Variants in ZNF865 observed in about 807,000 individuals in gnomAD.
ZNF865 encodes the protein zinc finger protein 865.
For missense variants in ZNF865, 1,311 were observed against 1,593.4 expected (o/e 0.82, Z 3.02); for synonymous variants, 763 against 750.8 (o/e 1.02, Z -0.27).
chr19:55,613,970 C>G lies in ZNF865; in HGVS notation c.352C>G (p.Gln118Glu). 2.0e-6 allele frequency: 3 copies of G among 1,529,868 alleles called. No individual in the cohort carries two copies. Among genetic ancestry groups the G allele is most frequent in the Non-Finnish European group, 2.6e-6 (3 of 1,143,900 alleles). 94.8% of individuals were successfully genotyped at this position (1,529,868 alleles called of 1,614,324 possible). Residue 118 changes from glutamine (Q) to glutamate (E), a missense_variant, in exon 2 of 2, where the codon CAA becomes GAA. Physicochemically the swap from Gln to Glu is conservative, Grantham distance 29. Coordinates refer to ENST00000568956, the MANE Select transcript of ZNF865 (RefSeq NM_001195605.2). ...GTCATCTTCGTCCTCTTCCTCTTCC[C>G]AAGCCAAGAAGCCCGATCCGCCCCT... is the stretch of plus-strand genomic sequence containing the variant. The part of the protein sequence containing the change: ...SSSSSSSSSS[Q>E]AKKPDPPLPP...
At position 55,616,896 on chromosome 19, in the gene ZNF865, T is replaced by A; in HGVS notation, c.*98T>A. The A allele has an allele frequency of 7.7e-7, 1 of 1,306,122 alleles. No homozygotes were observed. Among genetic ancestry groups the A allele is most frequent in the South Asian group, 1.7e-5 (1 of 57,918 alleles). 80.9% of individuals were successfully genotyped at this position (1,306,122 alleles called of 1,614,324 possible). ...TTCCCCCCTCCTCGCTGTTGCCCCATCCTTCAGAACTTCACACGGACTGGC... is the reference window on the plus strand; with the variant it reads ...TTCCCCCCTCCTCGCTGTTGCCCCAACCTTCAGAACTTCACACGGACTGGC... On this transcript the variant is annotated 3_prime_UTR_variant, in exon 2 of 2. Transcript: ENST00000568956.
rs539300841 is a variant in ZNF865, at chr19:55,613,769, C to A, written c.151C>A (p.His51Asn). Residue 51 changes from histidine (H) to asparagine (N), a missense_variant, in exon 2 of 2, where the codon CAC (histidine) becomes AAC (asparagine). His to Asn is a moderately conservative substitution (Grantham distance 68, BLOSUM62 1). Transcript: ENST00000568956. The part of the protein sequence containing the change: ...RFEPMELYGE[H>N]AKAVAALPCA... ...CGAGCCCATGGAACTGTATGGGGAA[C>A]ACGCCAAGGCGGTGGCGGCCCTGCC... The A allele has an allele frequency of 2.6e-6, 4 of 1,534,086 alleles. No homozygotes were observed. The highest frequency in any genetic ancestry group is 2.7e-5 in the African/African-American group (2 of 73,024).
At chr19:55,613,486 T>C (rs1414019708) in intron 1 of ZNF865, 107 bp from the exon 2 acceptor site, 6 of 1,075,404 alleles carry the variant, frequency 5.6e-6, no homozygotes, top group Non-Finnish European at 7.7e-6. Context: ...TCTGGAAGGC[T>C]AGGGGGTGAT....
rs1349072564 is a variant in ZNF865, at chr19:55,611,856, C to T, written c.-26-1737C>T. Among the ~76,000 whole-genome samples, 1 of 152,150 alleles carries T rather than the reference C, an allele frequency of 6.6e-6. No homozygotes were observed. The highest frequency in any genetic ancestry group is 1.9e-4 in the East Asian group (1 of 5,192). On this transcript the variant is annotated intron_variant, in intron 1 of 1. Coordinates refer to ENST00000568956, the MANE Select transcript of ZNF865 (RefSeq NM_001195605.2). The surrounding 1 kb of genome is among the most constrained non-coding windows in gnomAD (Gnocchi z 4.5). Reference sequence around the variant, plus strand: ...GTGCTTCCCCAGGCCAGCAAGTAGACCAAGAACTCGGAGATCAGTTACGGG... The same window carrying T: ...GTGCTTCCCCAGGCCAGCAAGTAGATCAAGAACTCGGAGATCAGTTACGGG...
In ZNF865 at chr19:55,614,911, G is replaced by A; in HGVS notation, c.1293G>A (p.Gly431=). The change falls in exon 2 of 2, where the codon GGG becomes GGA. Residue 431 remains glycine (G), a synonymous_variant. Coordinates refer to ENST00000568956, the MANE Select transcript of ZNF865 (RefSeq NM_001195605.2). This position sits in a 1 kb window ranked among gnomAD's most constrained non-coding sequence, Gnocchi z 8.0. ...TCAAGCACCAGGCGGCCCACGCGGGGGCGGGCGCCGGGGGGCCTCGGCCCG... is the reference window on the plus strand; with the variant it reads ...TCAAGCACCAGGCGGCCCACGCGGGAGCGGGCGCCGGGGGGCCTCGGCCCG... ...YLLKHQAAHA[G]AGAGGPRPVY... The A allele has an allele frequency of 6.7e-7, 1 of 1,486,656 alleles. No individual in the cohort carries two copies. The highest frequency in any genetic ancestry group is 8.9e-7 in the Non-Finnish European group (1 of 1,123,724). 92.1% of individuals were successfully genotyped at this position (1,486,656 alleles called of 1,614,324 possible).
In ZNF865 at chr19:55,616,656, G is replaced by A; in HGVS notation, c.3038G>A (p.Gly1013Asp). ...CGTAAGCACCTGGCTGCCCACCAGG[G>A]CGGCCGGCCCTTCCGCTGCTCCTCC... The part of the protein sequence containing the change: ...YFRKHLAAHQ[G>D]GRPFRCSSCG... The change falls in exon 2 of 2, where the codon GGC becomes GAC. Residue 1013 changes from glycine (G) to aspartate (D), a missense_variant. Coordinates refer to ENST00000568956, the MANE Select transcript of ZNF865 (RefSeq NM_001195605.2). 6.5e-7 allele frequency: 1 copy of A among 1,529,430 alleles called. No homozygotes were observed. The highest frequency in any genetic ancestry group is 8.7e-7 in the Non-Finnish European group (1 of 1,143,852). The allele number at this position is 1,529,430 out of a possible 1,614,324, so 94.7% of individuals were successfully genotyped here.
chr19:55,607,436 C>CA (rs1199906914), intron 1 of ZNF865, among the ~76,000 whole-genome samples: 1 of 85,520 alleles, frequency 1.2e-5, no homozygotes. Flanking sequence ...CCTGTCTTTA[C>CA]AGGAAAAAAA....
In ZNF865 at chr19:55,614,541, C is replaced by G. The variant is rs1277402417; in HGVS notation, c.923C>G (p.Ala308Gly). The change falls in exon 2 of 2, where the codon GCC (alanine) becomes GGC (glycine). Residue 308 changes from alanine (A) to glycine (G), a missense_variant. Ala to Gly is a moderately conservative substitution (Grantham distance 60, BLOSUM62 0). Transcript: ENST00000568956. This position sits in a 1 kb window ranked among gnomAD's most constrained non-coding sequence, Gnocchi z 8.0. Reference sequence around the variant, plus strand: ...GCTGCCAGCGCCGCCACCGCCGCCGCCCCCTCCACGGTGTCCTCGGGCCCT... The same window carrying G: ...GCTGCCAGCGCCGCCACCGCCGCCGGCCCCTCCACGGTGTCCTCGGGCCCT... ...APAASAATAA[A>G]PSTVSSGPPA... The G allele has an allele frequency of 7.1e-7, 1 of 1,405,630 alleles. No individual in the cohort carries two copies. Among genetic ancestry groups the G allele is most frequent in the Middle Eastern group, 2.1e-4 (1 of 4,808 alleles). The allele number at this position is 1,405,630 out of a possible 1,614,324, so 87.1% of individuals were successfully genotyped here.
intron 1 of ZNF865, among the ~76,000 whole-genome samples, chr19:55,606,318 C>G (rs1980939241): frequency 6.6e-6 from 1 of 152,050 alleles, no homozygotes; most frequent in East Asian, 1.9e-4. Flanking sequence ...TCTGCAGGTC[C>G]TCCAGTGATT....
At chr19:55,609,782 TTGG>T (rs1038492347) in intron 1 of ZNF865, among the ~76,000 whole-genome samples, 1 of 152,124 alleles carries the variant, frequency 6.6e-6, no homozygotes. Flanking sequence ...CTCCTGTCCC[TTGG>T]TGGTGGTGGT....
chr19:55,614,069 G>A lies in ZNF865; in HGVS notation c.451G>A (p.Asp151Asn), dbSNP rs1189433258. ...AFPTPQWGIVDLSGHQHLFGN... is the reference protein window; with the variant it reads ...AFPTPQWGIVNLSGHQHLFGN... ...CCCCACTCCGCAGTGGGGCATCGTG[G>A]ACCTCTCGGGGCACCAGCACTTGTT... Residue 151 changes from aspartate (D) to asparagine (N), a missense_variant, in exon 2 of 2, where the codon GAC (aspartate) becomes AAC (asparagine). Transcript: ENST00000568956. The surrounding 1 kb of genome is among the most constrained non-coding windows in gnomAD (Gnocchi z 8.0). 5 of 1,452,526 alleles carry A rather than the reference G, an allele frequency of 3.4e-6. No homozygotes were observed. In the African/African-American group the frequency reaches 7.2e-5, roughly 21 times the overall value. The allele number at this position is 1,452,526 out of a possible 1,614,324, so 90.0% of individuals were successfully genotyped here.
chr19:55,612,098 G>A (rs1017431615), intron 1 of ZNF865, among the ~76,000 whole-genome samples: 4 of 152,204 alleles, frequency 2.6e-5, no homozygotes, highest in Non-Finnish European at 4.4e-5. Flanking sequence ...GCCCAGGTGT[G>A]TGATGTCATG....
At chr19:55,612,655 C>G (rs1471782528) in intron 1 of ZNF865, 2 of 152,440 alleles carry the variant, frequency 1.3e-5, no homozygotes, top group African/African-American at 4.8e-5. Context: ...CTGTCAGCCA[C>G]TGTGCCCAGT....
At chr19:55,612,412 T>C (rs990437708) in intron 1 of ZNF865, 1 of 152,220 alleles carries the variant, frequency 6.6e-6, no homozygotes, top group African/African-American at 2.4e-5. Context: ...GCACTCCCCA[T>C]ACTGACTTTT....
rs1168462756 is a variant in ZNF865 at position 55,615,439 on chromosome 19, G to A, written c.1821G>A (p.Lys607=). The change falls in exon 2 of 2, where the codon AAG becomes AAA. Residue 607 remains lysine (K), a synonymous_variant. Coordinates refer to ENST00000568956, the MANE Select transcript of ZNF865 (RefSeq NM_001195605.2). ...TGCACACGCGCGAGCGGCCCTACAA[G>A]TGCGAGCTCTGCGGCAAGGTCTTCG... is the stretch of plus-strand genomic sequence containing the variant. ...HVVHTRERPY[K]CELCGKVFGY... 9 of 1,496,730 alleles carry A rather than the reference G, an allele frequency of 6.0e-6. No individual in the cohort carries two copies. The highest frequency in any genetic ancestry group is 8.0e-6 in the Non-Finnish European group (9 of 1,127,924). The allele number at this position is 1,496,730 out of a possible 1,614,324, so 92.7% of individuals were successfully genotyped here. A position where few individuals can be genotyped will look rare whatever the true frequency, so the allele number is the denominator to read the frequency against.
At chr19:55,612,574 T>A (rs1156864346) in intron 1 of ZNF865, 1 of 152,298 alleles carries the variant, frequency 6.6e-6, no homozygotes, top group East Asian at 1.9e-4. Flanking sequence ...TGATCACAGC[T>A]CATTGTAGCC....
In ZNF865 at chr19:55,615,318, G is replaced by A; in HGVS notation, c.1700G>A (p.Arg567His). The A allele has an allele frequency of 6.6e-7, 1 of 1,525,102 alleles. No individual in the cohort carries two copies. Among genetic ancestry groups the A allele is most frequent in the Non-Finnish European group, 8.8e-7 (1 of 1,142,746 alleles). 94.5% of individuals were successfully genotyped at this position (1,525,102 alleles called of 1,614,324 possible). ...TTCGGGCGCCGCGAGACCCTGAAGC[G>A]CCATGAGCGCATCCACACGGGCGAG... is the stretch of plus-strand genomic sequence containing the variant. ...RGFGRRETLK[R>H]HERIHTGEKP... Residue 567 changes from arginine (R) to histidine (H), a missense_variant, in exon 2 of 2, where the codon CGC becomes CAC. Transcript: ENST00000568956.
Position 55,614,924 on chromosome 19 carries a change from G to A in ZNF865, c.1306G>A (p.Gly436Arg), listed in dbSNP as rs1297453641. 6.7e-7 allele frequency: 1 copy of A among 1,485,960 alleles called. No homozygotes were observed. The highest frequency in any genetic ancestry group is 1.3e-5 in the South Asian group (1 of 76,462). 92.0% of individuals were successfully genotyped at this position (1,485,960 alleles called of 1,614,324 possible). A position where few individuals can be genotyped will look rare whatever the true frequency, so the allele number is the denominator to read the frequency against. Reference protein sequence around the residue: ...QAAHAGAGAGGPRPVYPCDLC... With the variant: ...QAAHAGAGAGRPRPVYPCDLC... Reference sequence around the variant, plus strand: ...GGCCCACGCGGGGGCGGGCGCCGGGGGGCCTCGGCCCGTGTACCCCTGCGA... The same window carrying A: ...GGCCCACGCGGGGGCGGGCGCCGGGAGGCCTCGGCCCGTGTACCCCTGCGA... Residue 436 changes from glycine to arginine, a missense_variant, in exon 2 of 2, where the codon GGG becomes AGG. By Grantham distance (125) the Gly-to-Arg change is moderately radical. Coordinates refer to ENST00000568956, the MANE Select transcript of ZNF865 (RefSeq NM_001195605.2). The surrounding 1 kb of genome is among the most constrained non-coding windows in gnomAD (Gnocchi z 8.0).
chr19:55,615,002 G>A lies in ZNF865; in HGVS notation c.1384G>A (p.Ala462Thr), dbSNP rs2123592605. ...APQSLLRHKAAHAPPAAAAEA... is the reference protein window; with the variant it reads ...APQSLLRHKATHAPPAAAAEA... The stretch of plus-strand genomic sequence containing the variant: ...GCAGAGCCTGCTCCGCCACAAGGCC[G>A]CCCACGCCCCGCCCGCTGCCGCTGC... The change falls in exon 2 of 2, where the codon GCC (alanine) becomes ACC (threonine). Residue 462 changes from alanine to threonine, a missense_variant. Coordinates refer to ENST00000568956, the MANE Select transcript of ZNF865 (RefSeq NM_001195605.2). 1.4e-6 allele frequency: 2 copies of A among 1,386,386 alleles called. No individual in the cohort carries two copies. The highest frequency in any genetic ancestry group is 2.2e-4 in the Middle Eastern group (1 of 4,490). 85.9% of individuals were successfully genotyped at this position (1,386,386 alleles called of 1,614,324 possible). A position where few individuals can be genotyped will look rare whatever the true frequency, so the allele number is the denominator to read the frequency against.
Sources: gnomAD v4.1 joint callset for allele counts (sites outside exome capture counted in the v4.1 genomes callset) on GRCh38, gnomAD v4.1.1 for gene constraint, Gnocchi (gnomAD v3.1) non-coding constraint, MANE v1.5 for transcripts, NCBI Gene and HGNC (gene_info 2026-07-23, HGNC 2026-07-21) for gene names.